ABCG2: variants seen among roughly 807,000 people sequenced by gnomAD.
ABCG2 encodes broad substrate specificity ATP-binding cassette transporter ABCG2.
Under a neutral mutation model 73.5 loss-of-function variants are expected in ABCG2, and 80 were observed. The observed-to-expected ratio is 1.09, with a 90% confidence interval of 0.91 to 1.31. ABCG2 has a LOEUF of 1.31. ABCG2 is among the 50% of genes most tolerant of loss of function. The pLI is 0.00. For synonymous variants in ABCG2, 269 were observed against 282.4 expected, an observed-to-expected ratio of 0.95 and a Z score of 0.48; for missense variants, 796 against 786.2, an observed-to-expected ratio of 1.01 and a Z score of -0.15.
At chr4:88,222,469 A>T (rs935345939) in intron 1 of ABCG2, among the ~76,000 whole-genome samples, 2 of 152,002 alleles carry the variant, frequency 1.3e-5, no homozygotes, top group East Asian at 1.9e-4. Flanking sequence ...TTGAGGGTTT[A>T]AAAAAAATAG....
At chr4:88,093,258 C>A (rs1357444624) in intron 15 of ABCG2, among the ~76,000 whole-genome samples, 1 of 152,198 alleles carries the variant, frequency 6.6e-6, no homozygotes, top group Non-Finnish European at 1.5e-5. Context: ...GTAATCCCAG[C>A]ACTTTGGGAG....
At chr4:88,198,175 T>C (rs1277026296) in intron 1 of ABCG2, among the ~76,000 whole-genome samples, 1 of 150,510 alleles carries the variant, frequency 6.6e-6, no homozygotes, top group Non-Finnish European at 1.5e-5. Context: ...CTACTAAAAA[T>C]ACAAAAAACT....
At chr4:88,230,310 TTTTTTTTTGGCC>T (rs1297186311) in intron 1 of ABCG2, among the ~76,000 whole-genome samples, 59 of 100,182 alleles carry the variant, frequency 5.9e-4, no homozygotes, top group South Asian at 2.1e-3. Flanking sequence ...TATATATATT[TTTTTTTTTGGCC>T]ACATATATAT....
Position 88,193,443 on chromosome 4 carries a change from T to A in ABCG2, c.-20+37551A>T, listed in dbSNP as rs376173945. ...TGCTAAAAATACTGTTTTCACTGTATAATTTCCTGATAAGCAAATGTTATA... is the reference window on the plus strand; with the variant it reads ...TGCTAAAAATACTGTTTTCACTGTAAAATTTCCTGATAAGCAAATGTTATA... On this transcript the variant is annotated intron_variant, in intron 1 of 15. Coordinates refer to the ABCG2 transcript ENST00000515655. Among the ~76,000 whole-genome samples, 121 of 152,320 alleles carry A rather than the reference T, an allele frequency of 7.9e-4. 7 individuals are homozygous for A. In the South Asian group the frequency reaches 0.023, roughly 29 times the overall value.
chr4:88,213,308 C>A (rs899843975), intron 1 of ABCG2, among the ~76,000 whole-genome samples: 3 of 152,172 alleles, frequency 2.0e-5, no homozygotes, highest in Non-Finnish European at 4.4e-5. Flanking sequence ...CTTCTGTTTC[C>A]TATTTCAACA....
intron 1 of ABCG2, among the ~76,000 whole-genome samples, chr4:88,182,194 A>C (rs1728280550): frequency 6.6e-6 from 1 of 152,186 alleles, no homozygotes; most frequent in Non-Finnish European, 1.5e-5. Context: ...ATTCAGCAAG[A>C]AAATATAACA....
In ABCG2 at chr4:88,099,349, A is replaced by C. The variant is rs781657941; in HGVS notation, c.1467T>G (p.Phe489Leu). Residue 489 changes from phenylalanine to leucine, a missense_variant, in exon 12 of 16, where the codon TTT (phenylalanine) becomes TTG (leucine). Phe to Leu is a conservative substitution (Grantham distance 22, BLOSUM62 0). Transcript: ENST00000237612. ...LPMRMLPSII[F>L]TCIVYFMLGL... ...CTAACATGAAGTACACTATACAGGT[A>C]AATATAATACTTGGTAACATCCTCA... The C allele has an allele frequency of 6.2e-7, 1 of 1,610,354 alleles. No individual in the cohort carries two copies. The highest frequency in any genetic ancestry group is 8.5e-7 in the Non-Finnish European group (1 of 1,178,470).
chr4:88,178,845 G>GCCC (rs1728114121), intron 1 of ABCG2, among the ~76,000 whole-genome samples: 1 of 152,144 alleles, frequency 6.6e-6, no homozygotes, highest in Non-Finnish European at 1.5e-5. Flanking sequence ...AAAGGACTTT[G>GCCC]TCTTATTGCT....
At chr4:88,171,143 A>ATGCAGAAAAAATAACTTGGG (rs1422771526) in intron 1 of ABCG2, among the ~76,000 whole-genome samples, 1 of 152,100 alleles carries the variant, frequency 6.6e-6, no homozygotes, top group African/African-American at 2.4e-5. Flanking sequence ...GGAGGGAGAG[A>ATGCAGAAAAAATAACTTGGG]TGCAGAAAAA....
Position 88,095,516 on chromosome 4 carries a change from A to G in ABCG2, c.1737+4T>C. 6.2e-7 allele frequency: 1 copy of G among 1,610,674 alleles called. No individual in the cohort carries two copies. The highest frequency in any genetic ancestry group is 8.5e-7 in the Non-Finnish European group (1 of 1,176,996). ...AGTCACAGTGACAGACAAGGAAGAC[A>G]TACCGTAAATCCATATCGTGGAATG... On this transcript the variant is annotated splice_donor_region_variant and intron_variant, in intron 14 of 15. Transcript: ENST00000237612.
intron 5 of ABCG2, among the ~76,000 whole-genome samples, chr4:88,126,821 T>C (rs1291782516): frequency 1.3e-5 from 2 of 152,152 alleles, no homozygotes; most frequent in Admixed American, 6.6e-5. Flanking sequence ...GCCAATATCA[T>C]ACTGAATGGG....
chr4:88,092,469 A>G (rs1295460823), intron 15 of ABCG2, 88 bp from the exon 16 acceptor site: 1 of 1,375,378 alleles, frequency 7.3e-7, no homozygotes, highest in African/African-American at 1.5e-5. Flanking sequence ...AAAGGAGCCT[A>G]AAATTGAACC....
At chr4:88,093,291 GT>G (rs1721764236) in intron 15 of ABCG2, among the ~76,000 whole-genome samples, 2 of 152,074 alleles carry the variant, frequency 1.3e-5, no homozygotes, top group Non-Finnish European at 2.9e-5. Flanking sequence ...GGATCACGAG[GT>G]CAGGAGACGA....
chr4:88,205,314 C>T (rs1004324161), intron 1 of ABCG2, among the ~76,000 whole-genome samples: 1 of 152,174 alleles, frequency 6.6e-6, no homozygotes, highest in Non-Finnish European at 1.5e-5. Flanking sequence ...TAATCTTAAT[C>T]TTAAAATGCA....
chr4:88,222,751 GA>G (rs1290341700), intron 1 of ABCG2, among the ~76,000 whole-genome samples: 14 of 152,048 alleles, frequency 9.2e-5, no homozygotes, highest in African/African-American at 2.4e-4. Flanking sequence ...GGAGCTATGA[GA>G]AGTAGGCCAC....
upstream of ABCG2, among the ~76,000 whole-genome samples, chr4:88,162,916 C>G (rs1195871499): frequency 6.6e-6 from 1 of 152,070 alleles, no homozygotes; most frequent in Non-Finnish European, 1.5e-5. Flanking sequence ...TTATAAGGCC[C>G]CATATTGAGA....
At chr4:88,216,476 C>T (rs571970887) in intron 1 of ABCG2, among the ~76,000 whole-genome samples, 105 of 152,126 alleles carry the variant, frequency 6.9e-4, no homozygotes, top group Non-Finnish European at 1.2e-3. Context: ...TCAGTGGCTC[C>T]GTGTGCAAAC....
intron 3 of ABCG2, 31 bp downstream of exon 3, chr4:88,132,545 A>C (rs1419629249): frequency 6.2e-7 from 1 of 1,612,806 alleles, no homozygotes. Context: ...AAGTGCACAG[A>C]AAACGCTTAC....
upstream of ABCG2, among the ~76,000 whole-genome samples, chr4:88,164,316 C>T (rs531206444): frequency 2.4e-4 from 37 of 152,314 alleles, 1 homozygote; most frequent in South Asian, 2.9e-3. Context: ...TCCACCACCT[C>T]GGCCTCCCAA....
Sources: gnomAD v4.1 joint callset for allele counts (sites outside exome capture counted in the v4.1 genomes callset) on GRCh38, gnomAD v4.1.1 for gene constraint, MANE v1.5 for transcripts, NCBI Gene and HGNC (gene_info 2026-07-23, HGNC 2026-07-21) for gene names.